The following MLLT10 variants were observed in gnomAD, a reference collection of about 807,000 sequenced individuals.
The protein encoded by MLLT10 is MLLT10 histone lysine methyltransferase DOT1L cofactor.
Under a neutral mutation model 129.1 loss-of-function variants are expected in MLLT10, and 30 were observed. The observed-to-expected ratio is 0.23, with a 90% confidence interval of 0.17 to 0.32. The LOEUF (loss-of-function observed/expected upper bound fraction) is 0.32, where lower values mean the gene tolerates loss of function less well. Among genes scored for constraint, MLLT10 ranks in the 10% least tolerant of loss-of-function variants. The pLI, the probability that MLLT10 is intolerant of heterozygous loss-of-function variation, is 1.00. For synonymous variants in MLLT10, 490 were observed against 446.4 expected, an observed-to-expected ratio of 1.10 and a Z score of -1.23; for missense variants, 1,119 against 1,268.3, an observed-to-expected ratio of 0.88 and a Z score of 1.79.
At chr10:21,640,805 A>G (rs10828258) in intron 8 of MLLT10, among the ~76,000 whole-genome samples, 37,870 of 152,142 alleles carry the variant, frequency 0.25, 5,853 homozygotes, top group Middle Eastern at 0.49. Flanking sequence ...CACATGAATA[A>G]TTCTCAAATT....
At chr10:21,670,865 C>T in intron 10 of MLLT10, 161 bp downstream of exon 10, 2 of 782,886 alleles carry the variant, frequency 2.6e-6, no homozygotes, top group Non-Finnish European at 1.8e-6. Context: ...ATAGTGTTTC[C>T]TATTAAATTT....
chr10:21,676,895 A>G (rs2052220208), intron 11 of MLLT10, among the ~76,000 whole-genome samples: 1 of 152,192 alleles, frequency 6.6e-6, no homozygotes, highest in African/African-American at 2.4e-5. Flanking sequence ...TATTGACAAT[A>G]GTAAAAAGCG....
chr10:21,728,533 C>T (rs1453121363), intron 16 of MLLT10, among the ~76,000 whole-genome samples: 2 of 152,104 alleles, frequency 1.3e-5, no homozygotes, highest in African/African-American at 4.8e-5. Flanking sequence ...ACTGTGTCTG[C>T]TTGTAGGGGA....
chr10:21,710,042 C>T (rs1483964521), intron 13 of MLLT10, among the ~76,000 whole-genome samples: 2 of 152,198 alleles, frequency 1.3e-5, no homozygotes, highest in Non-Finnish European at 2.9e-5. Flanking sequence ...TGCACCAGGC[C>T]ATTCCTTTGA....
At chr10:21,686,365 T>G (rs2053293536) in intron 13 of MLLT10, among the ~76,000 whole-genome samples, 1 of 152,152 alleles carries the variant, frequency 6.6e-6, no homozygotes, top group Admixed American at 6.5e-5. Flanking sequence ...TTCCTTACTT[T>G]TCTGTTTCCT....
intron 11 of MLLT10, among the ~76,000 whole-genome samples, chr10:21,680,696 G>C (rs1372218051): frequency 6.6e-6 from 1 of 152,098 alleles, no homozygotes; most frequent in Non-Finnish European, 1.5e-5. Flanking sequence ...CCTAGACCTA[G>C]CGTGGTGGCT....
Position 21,640,211 on chromosome 10 carries a change from AT to A in MLLT10, c.700-11460del, listed in dbSNP as rs1203902500. Among the ~76,000 whole-genome samples the A allele has an allele frequency of 2.1e-5, 3 of 143,522 alleles. No individual in the cohort carries two copies. In the East Asian group the frequency reaches 5.9e-4, roughly 28 times the overall value. 94.2% of individuals were successfully genotyped at this position (143,522 alleles called of 152,430 possible). ...TTATTATATAATATTTATATATTAT[AT>A]TATATTATATATTATATATTATGTA... On this transcript the variant is annotated intron_variant, in intron 8 of 22. Coordinates refer to ENST00000307729, the MANE Select transcript of MLLT10 (RefSeq NM_001195626.3).
chr10:21,604,793 G>A (rs1177706018), intron 5 of MLLT10, among the ~76,000 whole-genome samples: 1 of 151,956 alleles, frequency 6.6e-6, no homozygotes, highest in African/African-American at 2.4e-5. Flanking sequence ...GTTCTCTGTG[G>A]CTTGATATTC....
At chr10:21,542,099 G>A (rs2035273572) in intron 3 of MLLT10, among the ~76,000 whole-genome samples, 1 of 152,142 alleles carries the variant, frequency 6.6e-6, no homozygotes, top group Non-Finnish European at 1.5e-5. Context: ...ACAGTAGATT[G>A]AAGGCTGGAA....
intron 3 of MLLT10, chr10:21,551,800 CTT>C (rs747938797): frequency 3.3e-3 from 1,127 of 340,914 alleles, no homozygotes; most frequent in Admixed American, 5.1e-3. Context: ...GTCTCTCTCT[CTT>C]TTTTTTTTTT....
intron 3 of MLLT10, among the ~76,000 whole-genome samples, chr10:21,542,786 C>T (rs149775253): frequency 2.6e-5 from 4 of 152,048 alleles, no homozygotes; most frequent in African/African-American, 9.6e-5. Flanking sequence ...CGTGGGAGGC[C>T]GAGGCAGGAG....
At chr10:21,717,864 T>TCTCCTCCTC (rs1385841846) in intron 14 of MLLT10, among the ~76,000 whole-genome samples, 2 of 71,152 alleles carry the variant, frequency 2.8e-5, no homozygotes, top group East Asian at 5.2e-4. Context: ...TCCTCCTCCT[T>TCTCCTCCTC]CTCCTCCTCC....
At chr10:21,704,071 G>A (rs973797271) in intron 13 of MLLT10, among the ~76,000 whole-genome samples, 2 of 110,886 alleles carry the variant, frequency 1.8e-5, no homozygotes, top group Admixed American at 1.3e-4. Context: ...CCAGGCTAAA[G>A]TGACCCCAGT....
chr10:21,578,147 G>C (rs2040990798), intron 3 of MLLT10, among the ~76,000 whole-genome samples: 1 of 152,000 alleles, frequency 6.6e-6, no homozygotes, highest in South Asian at 2.1e-4. Flanking sequence ...CACCCGCCTA[G>C]ACCTCCCAAA....
In MLLT10 at chr10:21,586,916, A is replaced by G. The variant is rs141081586; in HGVS notation, c.295+568A>G. On this transcript the variant is annotated intron_variant, in intron 4 of 22. Transcript: ENST00000307729. ...AAAAAAGTATTTTTTTTAAATGGATATAGTTTCTTATGTTAGGAATTTTTT... is the reference window on the plus strand; with the variant it reads ...AAAAAAGTATTTTTTTTAAATGGATGTAGTTTCTTATGTTAGGAATTTTTT... 1.2e-3 allele frequency among the ~76,000 whole-genome samples: 189 copies of G among 151,882 alleles called. 1 individual carries two copies. The highest frequency in any genetic ancestry group is 4.0e-3 in the African/African-American group (167 of 41,432).
intron 13 of MLLT10, among the ~76,000 whole-genome samples, chr10:21,712,900 T>C (rs1243742280): frequency 6.6e-6 from 1 of 152,240 alleles, no homozygotes; most frequent in Non-Finnish European, 1.5e-5. Flanking sequence ...AGCATGATTT[T>C]CTTTTTTTAA....
intron 4 of MLLT10, among the ~76,000 whole-genome samples, 169 bp downstream of exon 4, chr10:21,586,517 T>A (rs1400104641): frequency 1.3e-5 from 2 of 152,220 alleles, no homozygotes; most frequent in Non-Finnish European, 2.9e-5. Context: ...CCCACAATTT[T>A]TCTACTTTGT....
At chr10:21,740,629 A>T (rs551705152) in intron 22 of MLLT10, among the ~76,000 whole-genome samples, 1 of 152,342 alleles carries the variant, frequency 6.6e-6, no homozygotes, top group South Asian at 2.1e-4. Context: ...TATTACCAAG[A>T]TGAATATATA....
At chr10:21,726,421 T>G in intron 15 of MLLT10, 66 bp downstream of exon 15, 1 of 1,149,438 alleles carries the variant, frequency 8.7e-7, no homozygotes, top group Admixed American at 1.9e-5. Flanking sequence ...TTTCCCCTTT[T>G]GGTTCATTTT....
Sources: gnomAD v4.1 joint callset for allele counts (sites outside exome capture counted in the v4.1 genomes callset) on GRCh38, gnomAD v4.1.1 for gene constraint, MANE v1.5 for transcripts, NCBI Gene and HGNC (gene_info 2026-07-23, HGNC 2026-07-21) for gene names.